The following PCDHA7 variants were observed in gnomAD, a reference collection of about 807,000 sequenced individuals.
The protein encoded by PCDHA7 is protocadherin alpha-7.
In PCDHA7, 37 loss-of-function variants were observed where a neutral mutation model predicts 57.2. The observed-to-expected ratio is 0.65, with a 90% confidence interval of 0.50 to 0.85. The LOEUF (loss-of-function observed/expected upper bound fraction) is 0.85, where lower values mean the gene tolerates loss of function less well. Ranked by LOEUF, PCDHA7 falls within the 40% of genes least tolerant of loss-of-function variation. The pLI is 0.00. For synonymous variants in PCDHA7, 553 were observed against 558.8 expected, an observed-to-expected ratio of 0.99 and a Z score of 0.15; for missense variants, 1,188 against 1,241.8, an observed-to-expected ratio of 0.96 and a Z score of 0.65.
chr5:140,935,710 A>C (rs551291942), intron 1 of PCDHA7, among the ~76,000 whole-genome samples: 1 of 152,272 alleles, frequency 6.6e-6, no homozygotes, highest in South Asian at 2.1e-4. Context: ...TATAAAACAA[A>C]ATATATTTAG....
At chr5:141,008,440 A>T (rs545076432) in intron 3 of PCDHA7, among the ~76,000 whole-genome samples, 196 of 152,294 alleles carry the variant, frequency 1.3e-3, no homozygotes, top group South Asian at 8.7e-3. Flanking sequence ...GCCCAGACAG[A>T]CCATTACCCT....
At chr5:140,972,480 C>A (rs558245112) in intron 1 of PCDHA7, among the ~76,000 whole-genome samples, 2 of 151,890 alleles carry the variant, frequency 1.3e-5, no homozygotes, top group East Asian at 3.9e-4. Context: ...AGCATTTAAC[C>A]CCAGACTCTA....
chr5:140,870,475 G>T, intron 1 of PCDHA7: 2 of 1,614,214 alleles, frequency 1.2e-6, no homozygotes, highest in Non-Finnish European at 1.7e-6. Flanking sequence ...CGCACAGCCC[G>T]AGTACACCGT....
At chr5:140,968,231 T>A in intron 1 of PCDHA7, 1 of 1,614,032 alleles carries the variant, frequency 6.2e-7, no homozygotes. Context: ...TGTGTTGCTC[T>A]GTACTGTGCA....
intron 1 of PCDHA7, chr5:140,859,894 C>T (rs930000447): frequency 6.6e-6 from 1 of 151,852 alleles, no homozygotes; most frequent in Non-Finnish European, 1.5e-5. Context: ...GAAAAAAAAT[C>T]TTCCTTAATG....
intron 1 of PCDHA7, chr5:140,883,357 T>C: frequency 6.2e-7 from 1 of 1,614,094 alleles, no homozygotes; most frequent in Non-Finnish European, 8.5e-7. Context: ...GAGAAGACAC[T>C]CAGCCTAGCG....
chr5:140,893,138 A>G (rs1336386852), intron 1 of PCDHA7, among the ~76,000 whole-genome samples: 1 of 152,142 alleles, frequency 6.6e-6, no homozygotes, highest in Non-Finnish European at 1.5e-5. Context: ...TTCTTTATCC[A>G]CTCATCTGTT....
At chr5:140,905,944 A>G (rs2072219566) in intron 1 of PCDHA7, among the ~76,000 whole-genome samples, 3 of 152,216 alleles carry the variant, frequency 2.0e-5, no homozygotes, top group Non-Finnish European at 4.4e-5. Flanking sequence ...AGAACTTGGA[A>G]TCCGATGTTC....
At chr5:140,984,227 T>C (rs571404372) in intron 3 of PCDHA7, among the ~76,000 whole-genome samples, 1 of 152,336 alleles carries the variant, frequency 6.6e-6, no homozygotes, top group Admixed American at 6.5e-5. Context: ...CTTGCTCTTA[T>C]GGAGGCATTG....
intron 1 of PCDHA7, chr5:140,847,447 T>C (rs1013186891): frequency 6.7e-6 from 1 of 149,786 alleles, no homozygotes; most frequent in Non-Finnish European, 1.5e-5. Context: ...CACTAAAATC[T>C]AGATTTAATT....
intron 1 of PCDHA7, chr5:140,927,285 G>T: frequency 1.9e-6 from 3 of 1,614,154 alleles, no homozygotes; most frequent in Non-Finnish European, 2.5e-6. Context: ...ACGTGCAGCT[G>T]CACATCCCCG....
intron 2 of PCDHA7, 138 bp from the exon 3 acceptor site, chr5:140,982,337 A>G: frequency 6.9e-7 from 1 of 1,455,066 alleles, no homozygotes; most frequent in East Asian, 2.5e-5. Context: ...CTCAGCAGTA[A>G]TTGCTTCAGT....
intron 1 of PCDHA7, among the ~76,000 whole-genome samples, chr5:140,954,144 A>G (rs560378033): frequency 2.0e-5 from 3 of 152,232 alleles, no homozygotes; most frequent in Non-Finnish European, 4.4e-5. Flanking sequence ...ATAGTATTCC[A>G]TGGTGTATAT....
chr5:140,928,736 T>C, intron 1 of PCDHA7: 1 of 1,614,174 alleles, frequency 6.2e-7, no homozygotes, highest in Non-Finnish European at 8.5e-7. Flanking sequence ...TCAGCCAATA[T>C]AGGTGAGCTC....
At chr5:140,850,006 T>G (rs2150463121) in intron 1 of PCDHA7, 1 of 1,596,968 alleles carries the variant, frequency 6.3e-7, no homozygotes, top group Non-Finnish European at 8.6e-7. Flanking sequence ...GAGCGCTCGC[T>G]GTCGAGCTAC....
chr5:140,994,483 G>A (rs1356969213), intron 3 of PCDHA7, among the ~76,000 whole-genome samples: 1 of 152,062 alleles, frequency 6.6e-6, no homozygotes, highest in East Asian at 1.9e-4. Context: ...CGGGTGGATT[G>A]CCTGAACCCA....
At chr5:140,877,095 C>T in intron 1 of PCDHA7, 1 of 1,613,330 alleles carries the variant, frequency 6.2e-7, no homozygotes, top group Non-Finnish European at 8.5e-7. Context: ...GCGACGCCGG[C>T]GTGCCGCCTC....
rs781944777 is a variant in PCDHA7, at chr5:140,978,930, T to A, written c.2356-19T>A. ...TTGTCTTGTCATTTTAACAGAAAAC[T>A]CTCTTTGTGATTTTGCAGCCACGAC... On this transcript the variant is annotated intron_variant, in intron 1 of 3. Transcript: ENST00000525929. The A allele has an allele frequency of 1.2e-6, 2 of 1,614,088 alleles. No homozygotes were observed. The highest frequency in any genetic ancestry group is 8.5e-7 in the Non-Finnish European group (1 of 1,180,010).
intron 1 of PCDHA7, chr5:140,883,794 C>A (rs781822448): frequency 6.2e-7 from 1 of 1,612,476 alleles, no homozygotes; most frequent in Non-Finnish European, 8.5e-7. Flanking sequence ...AGCTACGTGT[C>A]GGTGCACGCG....
Sources: allele counts gnomAD v4.1 joint callset (sites outside exome capture counted in the v4.1 genomes callset), GRCh38; gene constraint gnomAD v4.1.1; transcripts MANE v1.5; gene names NCBI Gene and HGNC (gene_info 2026-07-23, HGNC 2026-07-21).